The following CBFA2T3 variants were observed in gnomAD, a reference collection of about 807,000 sequenced individuals.
CBFA2T3 encodes the protein transcriptional corepressor CBFA2T3.
In CBFA2T3, 31 loss-of-function variants were observed where a neutral mutation model predicts 58.6. The observed-to-expected ratio is 0.53, with a 90% CI of 0.40 to 0.71. The LOEUF (loss-of-function observed/expected upper bound fraction) is 0.71. CBFA2T3 is among the 30% of genes least tolerant of loss of function. CBFA2T3 has a pLI of 0.00. For missense variants in CBFA2T3, 1,076 were observed against 963.1 expected (o/e 1.12, Z -1.55); for synonymous variants, 531 against 421.9 (o/e 1.26, Z -3.17).
chr16:88,898,238 CT>C lies in CBFA2T3; in HGVS notation c.305-87del. The C allele has an allele frequency of 7.8e-6, 8 of 1,027,714 alleles. No individual in the cohort carries two copies. In the South Asian group the frequency reaches 8.9e-5, roughly 11 times the overall value. The allele number at this position is 1,027,714 out of a possible 1,614,324, so 63.7% of individuals were successfully genotyped here. ...CAGGGGCGCCCGCGGCCACCTTTTCCTACTTCTCAGAGTGATTTTTGGTGGG... is the reference window on the plus strand; with the variant it reads ...CAGGGGCGCCCGCGGCCACCTTTTCCACTTCTCAGAGTGATTTTTGGTGGG... On this transcript the variant is annotated intron_variant, in intron 2 of 11. Coordinates refer to ENST00000268679, the MANE Select transcript of CBFA2T3 (RefSeq NM_005187.6).
At chr16:88,897,070 G>A (rs1969914523) in intron 3 of CBFA2T3, among the ~76,000 whole-genome samples, 3 of 152,224 alleles carry the variant, frequency 2.0e-5, no homozygotes, top group South Asian at 2.1e-4. Flanking sequence ...AGCCTTGGTG[G>A]GGGGGTCAGA....
chr16:88,936,351 C>T (rs959335399), intron 1 of CBFA2T3, among the ~76,000 whole-genome samples: 12 of 152,178 alleles, frequency 7.9e-5, no homozygotes, highest in Non-Finnish European at 1.5e-4. Flanking sequence ...CCTGGACTTC[C>T]TCCCCAAACC....
chr16:88,939,627 C>T (rs191438069), intron 1 of CBFA2T3: 52 of 152,504 alleles, frequency 3.4e-4, no homozygotes, highest in African/African-American at 1.2e-3. Flanking sequence ...TGCACAGCAT[C>T]CGCCTGTCTG....
chr16:88,898,219 C>T lies in CBFA2T3; in HGVS notation c.305-67G>A, dbSNP rs115498829. ...GGGCAGGAGACTCTGCCCTCAGGGG[C>T]GCCCGCGGCCACCTTTTCCTACTTC... On this transcript the variant is annotated intron_variant, in intron 2 of 11. Transcript: ENST00000268679. 3.1e-3 allele frequency: 3,851 copies of T among 1,230,524 alleles called. 84 individuals are homozygous for T. In the African/African-American group the frequency reaches 0.049, roughly 16 times the overall value. The allele number at this position is 1,230,524 out of a possible 1,614,324, so 76.2% of individuals were successfully genotyped here.
chr16:88,880,905 G>T, intron 9 of CBFA2T3, 117 bp from the exon 10 acceptor site: 1 of 953,034 alleles, frequency 1.0e-6, no homozygotes, highest in Non-Finnish European at 1.6e-6. Flanking sequence ...CGTCCCTGGG[G>T]GGAGGCCCAG....
intron 1 of CBFA2T3, among the ~76,000 whole-genome samples, chr16:88,956,485 CG>C (rs1430603172): frequency 6.6e-6 from 1 of 152,250 alleles, no homozygotes; most frequent in Non-Finnish European, 1.5e-5. Context: ...TAGAGGAACG[CG>C]GAGCTTCTAC....
At chr16:88,963,499 T>C (rs534588885) in intron 1 of CBFA2T3, among the ~76,000 whole-genome samples, 1 of 152,258 alleles carries the variant, frequency 6.6e-6, no homozygotes, top group African/African-American at 2.4e-5. Flanking sequence ...GAGCACATCA[T>C]CAACCTCGCA....
intron 1 of CBFA2T3, among the ~76,000 whole-genome samples, chr16:88,974,373 G>C (rs997216416): frequency 6.6e-6 from 1 of 152,016 alleles, no homozygotes; most frequent in African/African-American, 2.4e-5. Flanking sequence ...GAGGGGGCTG[G>C]TGAAGGAGCC....
intron 3 of CBFA2T3, among the ~76,000 whole-genome samples, chr16:88,893,075 A>G (rs1969713580): frequency 6.6e-6 from 1 of 152,118 alleles, no homozygotes. Flanking sequence ...AGACTTGGAA[A>G]ATGAGAAGTC....
chr16:88,960,513 G>A (rs113574766), intron 1 of CBFA2T3, among the ~76,000 whole-genome samples: 52 of 152,326 alleles, frequency 3.4e-4, no homozygotes, highest in African/African-American at 9.6e-4. Flanking sequence ...AACAGAAGTC[G>A]GCTGAGTGAG....
At position 88,916,183 on chromosome 16, in the gene CBFA2T3, C is replaced by T. The variant is rs11863985; in HGVS notation, c.152-14527G>A. Among the ~76,000 whole-genome samples, 566 of 128,068 alleles carry T rather than the reference C, an allele frequency of 4.4e-3. 2 individuals are homozygous for T. The highest frequency in any genetic ancestry group is 0.015 in the African/African-American group (527 of 34,324). 84.0% of individuals were successfully genotyped at this position (128,068 alleles called of 152,430 possible). ...GTATTCATGCGTGTATTCATGTGTG[C>T]GCATGGGTGTGTGTCCGTGTACATG... On this transcript the variant is annotated intron_variant, in intron 1 of 11. Transcript: ENST00000268679.
At chr16:88,909,178 A>C (rs1331600509) in intron 1 of CBFA2T3, among the ~76,000 whole-genome samples, 1 of 152,178 alleles carries the variant, frequency 6.6e-6, no homozygotes, top group East Asian at 1.9e-4. Flanking sequence ...GAGGCCCAGC[A>C]AGGCCTCTTG....
At chr16:88,973,084 G>T (rs933264552) in intron 1 of CBFA2T3, among the ~76,000 whole-genome samples, 1 of 152,198 alleles carries the variant, frequency 6.6e-6, no homozygotes, top group Non-Finnish European at 1.5e-5. Flanking sequence ...GCTGAAGGAG[G>T]AGTCGGGCTG....
rs940903641 is a variant in CBFA2T3 at position 88,875,951 on chromosome 16, G to C, written c.*1025C>G. 8.6e-6 allele frequency: 2 copies of C among 232,978 alleles called. No individual in the cohort carries two copies. The highest frequency in any genetic ancestry group is 1.2e-4 in the East Asian group (2 of 16,552). 14.4% of individuals were successfully genotyped at this position (232,978 alleles called of 1,614,324 possible). On this transcript the variant is annotated 3_prime_UTR_variant, in exon 12 of 12. Transcript: ENST00000268679. ...ACGCACACGCGGCGGACGCACCAAC[G>C]CCTACGCAGAAGAGAACAAAAGTCG...
intron 1 of CBFA2T3, among the ~76,000 whole-genome samples, chr16:88,912,030 A>C (rs1309163437): frequency 6.6e-6 from 1 of 152,248 alleles, no homozygotes; most frequent in East Asian, 1.9e-4. Context: ...CGTCTGTCAC[A>C]GAAGTGCTGC....
chr16:88,926,283 C>T (rs1971083140), intron 1 of CBFA2T3, among the ~76,000 whole-genome samples: 1 of 152,194 alleles, frequency 6.6e-6, no homozygotes, highest in African/African-American at 2.4e-5. Flanking sequence ...GTTCCAGCAC[C>T]TAAAAGGTGT....
intron 1 of CBFA2T3, among the ~76,000 whole-genome samples, chr16:88,957,351 C>T (rs892946802): frequency 3.3e-5 from 5 of 152,242 alleles, no homozygotes. Flanking sequence ...CCTTTCAGGG[C>T]CAGTAGCAGA....
chr16:88,900,580 G>C (rs989713024), intron 2 of CBFA2T3, among the ~76,000 whole-genome samples: 1 of 152,302 alleles, frequency 6.6e-6, no homozygotes, highest in Admixed American at 6.5e-5. Context: ...CCCGCCCAGA[G>C]AGGGGCTTCG....
At chr16:88,969,529 A>G (rs1282053391) in intron 1 of CBFA2T3, among the ~76,000 whole-genome samples, 1 of 152,184 alleles carries the variant, frequency 6.6e-6, no homozygotes, top group East Asian at 1.9e-4. Context: ...ACCCCGTTTT[A>G]CAAACAGGAG....
Sources: gnomAD v4.1 joint callset for allele counts (sites outside exome capture counted in the v4.1 genomes callset) on GRCh38, gnomAD v4.1.1 for gene constraint, MANE v1.5 for transcripts, NCBI Gene and HGNC (gene_info 2026-07-23, HGNC 2026-07-21) for gene names.